RBFOX1: variants seen among roughly 807,000 people sequenced by gnomAD.
RBFOX1 encodes the protein RNA binding fox-1 homolog 1.
Under a neutral mutation model 57.7 loss-of-function variants are expected in RBFOX1, and 8 were observed. The observed-to-expected ratio is 0.14, with a 90% confidence interval of 0.08 to 0.25. The LOEUF (loss-of-function observed/expected upper bound fraction) is 0.25. Among genes scored for constraint, RBFOX1 ranks in the 10% least tolerant of loss-of-function variants. The pLI, the probability that RBFOX1 is intolerant of heterozygous loss-of-function variation, is 1.00. For synonymous variants in RBFOX1, 326 were observed against 222.4 expected (o/e 1.47, Z -4.15); for missense variants, 611 against 548.5 (o/e 1.11, Z -1.14).
intron 1 of RBFOX1, among the ~76,000 whole-genome samples, chr16:5,440,718 T>C (rs1054627001): frequency 2.0e-5 from 3 of 152,170 alleles, no homozygotes; most frequent in Admixed American, 2.0e-4. Context: ...GTATATATTT[T>C]ACAAGATTTA....
At chr16:6,244,577 C>T (rs2097558663) in intron 1 of RBFOX1, among the ~76,000 whole-genome samples, 1 of 152,188 alleles carries the variant, frequency 6.6e-6, no homozygotes, top group South Asian at 2.1e-4. Flanking sequence ...GATCTCAGCT[C>T]ACTGCAATGT....
chr16:7,505,815 T>C (rs1002258306), intron 4 of RBFOX1, among the ~76,000 whole-genome samples: 31 of 152,200 alleles, frequency 2.0e-4, no homozygotes, highest in African/African-American at 7.2e-4. Flanking sequence ...ATCTGTAACA[T>C]GGATTCTGTC....
intron 3 of RBFOX1, among the ~76,000 whole-genome samples, chr16:5,641,199 T>A (rs2151330043): frequency 6.6e-6 from 1 of 151,460 alleles, no homozygotes; most frequent in Non-Finnish European, 1.5e-5. Context: ...GGCACACACA[T>A]GCACACCATG....
chr16:6,463,260 T>G (rs2094961287), intron 2 of RBFOX1, among the ~76,000 whole-genome samples: 1 of 152,196 alleles, frequency 6.6e-6, no homozygotes, highest in African/African-American at 2.4e-5. Flanking sequence ...ATGACAACAT[T>G]AATTCCATAT....
At chr16:5,836,921 A>T (rs891850433) in intron 3 of RBFOX1, among the ~76,000 whole-genome samples, 2 of 152,054 alleles carry the variant, frequency 1.3e-5, no homozygotes, top group African/African-American at 2.4e-5. Flanking sequence ...CTGGTCTCCA[A>T]CCTCACTTCT....
At chr16:6,478,427 ATATTT>A (rs2095316257) in intron 2 of RBFOX1, among the ~76,000 whole-genome samples, 1 of 12,716 alleles carries the variant, frequency 7.9e-5, no homozygotes, top group African/African-American at 2.8e-4. Context: ...ATATATATAT[ATATTT>A]TTTTTTTTTT....
chr16:7,305,331 C>A (rs1389458040), intron 4 of RBFOX1, among the ~76,000 whole-genome samples: 1 of 152,004 alleles, frequency 6.6e-6, no homozygotes, highest in East Asian at 1.9e-4. Context: ...GAGTTGGTTC[C>A]TGGGCTTGGG....
At chr16:7,314,431 C>A (rs902666843) in intron 4 of RBFOX1, among the ~76,000 whole-genome samples, 2 of 152,154 alleles carry the variant, frequency 1.3e-5, no homozygotes, top group African/African-American at 2.4e-5. Flanking sequence ...TTACAACCTT[C>A]CTGAGCTCTG....
intron 3 of RBFOX1, among the ~76,000 whole-genome samples, chr16:6,807,120 C>T (rs1208389708): frequency 1.3e-5 from 2 of 151,816 alleles, no homozygotes; most frequent in African/African-American, 4.8e-5. Flanking sequence ...AGGTGTAAGC[C>T]ACCGTGCCCA....
rs1270031790 is a variant in RBFOX1 at position 7,363,199 on chromosome 16, A to C, written c.28-154948A>C. 2.0e-5 allele frequency among the ~76,000 whole-genome samples: 3 copies of C among 152,182 alleles called. No homozygotes were observed. The East Asian group carries it at 5.8e-4, about 29-fold the overall frequency. On this transcript the variant is annotated intron_variant, in intron 4 of 15. Transcript: ENST00000550418. ...CAGAACTGCACAACGGATTGCCGTCAGCCTCCATCCTGAGTTCCTGGGGTC... is the reference window on the plus strand; with the variant it reads ...CAGAACTGCACAACGGATTGCCGTCCGCCTCCATCCTGAGTTCCTGGGGTC...
chr16:6,468,170 T>C (rs1347078890), intron 2 of RBFOX1, among the ~76,000 whole-genome samples: 2 of 152,160 alleles, frequency 1.3e-5, no homozygotes, highest in Non-Finnish European at 2.9e-5. Flanking sequence ...ACCTCCAGTA[T>C]AATGGCAGGA....
At chr16:7,573,410 C>G (rs530752655) in intron 5 of RBFOX1, among the ~76,000 whole-genome samples, 1 of 152,308 alleles carries the variant, frequency 6.6e-6, no homozygotes, top group East Asian at 1.9e-4. Flanking sequence ...CCGTCCACCT[C>G]TAACATCCTT....
intron 1 of RBFOX1, among the ~76,000 whole-genome samples, chr16:5,324,632 A>G (rs1243919232): frequency 6.6e-6 from 1 of 152,200 alleles, no homozygotes; most frequent in African/African-American, 2.4e-5. Flanking sequence ...CAGCCATACA[A>G]AGAACGAAAT....
chr16:7,155,853 A>T (rs1032373557), intron 4 of RBFOX1, among the ~76,000 whole-genome samples: 3 of 151,232 alleles, frequency 2.0e-5, no homozygotes, highest in Non-Finnish European at 2.9e-5. Flanking sequence ...ATATGTGATG[A>T]ACCATATGTA....
intron 4 of RBFOX1, among the ~76,000 whole-genome samples, chr16:7,193,261 C>T (rs942135494): frequency 3.3e-5 from 5 of 152,138 alleles, no homozygotes; most frequent in Non-Finnish European, 5.9e-5. Context: ...TTATTGCTGT[C>T]TGTAAGATGG....
intron 1 of RBFOX1, among the ~76,000 whole-genome samples, chr16:5,310,459 A>T (rs747476655): frequency 6.6e-6 from 1 of 151,924 alleles, no homozygotes; most frequent in Non-Finnish European, 1.5e-5. Context: ...CAGCTTCAAC[A>T]TTTTCCAGGT....
chr16:6,067,091 G>A (rs1009049259), intron 1 of RBFOX1, among the ~76,000 whole-genome samples: 3 of 152,110 alleles, frequency 2.0e-5, no homozygotes, highest in African/African-American at 7.2e-5. Flanking sequence ...AGTCACTGCC[G>A]AGTCCCTCTC....
intron 4 of RBFOX1, among the ~76,000 whole-genome samples, chr16:7,141,451 G>A (rs922470): frequency 0.91 from 137,766 of 152,172 alleles, 62,517 homozygotes; most frequent in East Asian, 1. Flanking sequence ...GTTCTCAGGT[G>A]TGCTCTAAGG....
intron 1 of RBFOX1, among the ~76,000 whole-genome samples, chr16:6,028,987 A>G (rs2095247407): frequency 6.6e-6 from 1 of 152,128 alleles, no homozygotes; most frequent in African/African-American, 2.4e-5. Flanking sequence ...GCCTCCATTT[A>G]CTTGTCTATT....
Sources: gnomAD v4.1 joint callset for allele counts (sites outside exome capture counted in the v4.1 genomes callset) on GRCh38, gnomAD v4.1.1 for gene constraint, MANE v1.5 for transcripts, NCBI Gene and HGNC (gene_info 2026-07-23, HGNC 2026-07-21) for gene names.